The following PYCR1 variants were observed in gnomAD, a reference collection of about 807,000 sequenced individuals.
The protein encoded by PYCR1 is pyrroline-5-carboxylate reductase 1, mitochondrial.
A neutral mutation model predicts 22.9 loss-of-function variants in PYCR1; 19 were observed. The ratio of observed to expected loss-of-function variants is 0.83; its 90% confidence interval spans 0.58 to 1.22. The LOEUF (loss-of-function observed/expected upper bound fraction) is 1.22, where lower values mean the gene tolerates loss of function less well. PYCR1 is among the 50% of genes most tolerant of loss of function. PYCR1 has a pLI of 0.00. For synonymous variants in PYCR1, 175 were observed against 180.5 expected, an observed-to-expected ratio of 0.97 and a Z score of 0.24; for missense variants, 429 against 431.3, an observed-to-expected ratio of 0.99 and a Z score of 0.05.
In PYCR1 at chr17:81,932,930, C is replaced by T; in HGVS notation, c.*284G>A. The stretch of plus-strand genomic sequence containing the variant: ...TACTGGAGTAGGAGTGGGTGAAGAC[C>T]CTCCGGGCTCCCGAGCTCTAGAGGA... On this transcript the variant is annotated 3_prime_UTR_variant, in exon 7 of 7. Transcript: ENST00000329875. 1 of 1,612,054 alleles carries T rather than the reference C, an allele frequency of 6.2e-7. No individual in the cohort carries two copies. The highest frequency in any genetic ancestry group is 8.5e-7 in the Non-Finnish European group (1 of 1,179,556).
intron 6 of PYCR1, 34 bp from the exon 7 acceptor site, chr17:81,933,410 C>T: frequency 3.7e-6 from 6 of 1,611,472 alleles, no homozygotes; most frequent in Non-Finnish European, 4.2e-6. Context: ...CTTTGGAGCA[C>T]AAGCGTGCAC....
Position 81,934,141 on chromosome 17 carries a change from C to T in PYCR1, c.797+185G>A, listed in dbSNP as rs559522143. ...ATGGATGTTCCCTCCTCGCAGGAAA[C>T]GGAAGGTGGGGAGGGGCACTGCCCA... On this transcript the variant is annotated intron_variant, in intron 6 of 6. Transcript: ENST00000329875. The T allele has an allele frequency of 2.0e-3, 1,611 of 810,724 alleles. 5 individuals are homozygous for T. Among genetic ancestry groups the T allele is most frequent in the Non-Finnish European group, 2.8e-3 (1,397 of 492,996 alleles). The allele number at this position is 810,724 out of a possible 1,614,324, so 50.2% of individuals were successfully genotyped here.
Position 81,934,736 on chromosome 17 carries a change from C to A in PYCR1, c.550G>T (p.Ala184Ser). 1 of 1,554,872 alleles carries A rather than the reference C, an allele frequency of 6.4e-7. No individual in the cohort carries two copies. Among genetic ancestry groups the A allele is most frequent in the Non-Finnish European group, 8.7e-7 (1 of 1,149,518 alleles). ...SGSGPAYAFT[A>S]LDALADGGVK... ...CCCCCATCAGCCAGGGCATCCAGGGCTGTGAATGCCTGTGGGGAGAAGGCA... is the reference window on the plus strand; with the variant it reads ...CCCCCATCAGCCAGGGCATCCAGGGATGTGAATGCCTGTGGGGAGAAGGCA... Residue 184 changes from alanine (A) to serine (S), a missense_variant, in exon 5 of 7, where the codon GCC becomes TCC. Ala to Ser is a moderately conservative substitution (Grantham distance 99, BLOSUM62 1). Transcript: ENST00000329875.
chr17:81,936,127 A>C lies in PYCR1; in HGVS notation c.134T>G (p.Leu45Arg). ...PDMDLATVSA[L>R]RKMGVKLTPH... ...CTCCCTTTCATCTGCACCTACCCTG[A>C]GAGCAGAAACTGTGGCCAGGTCCAT... The change falls in exon 2 of 7, where the codon CTC (leucine) becomes CGC (arginine). Residue 45 changes from leucine (L) to arginine (R), a missense_variant. Physicochemically the swap from Leu to Arg is moderately radical, Grantham distance 102. Transcript: ENST00000329875. 6.2e-7 allele frequency: 1 copy of C among 1,613,790 alleles called. No individual in the cohort carries two copies. Among genetic ancestry groups the C allele is most frequent in the South Asian group, 1.1e-5 (1 of 91,076 alleles).
At chr17:81,936,232 T>TA (rs745392984) in intron 1 of PYCR1, 39 bp from the exon 2 acceptor site, 76 of 1,479,728 alleles carry the variant, frequency 5.1e-5, no homozygotes, top group Non-Finnish European at 6.6e-5. Context: ...TCTTTATTAT[T>TA]TTTTTTTTTT....
Position 81,935,076 on chromosome 17 carries a change from C to G in PYCR1, c.390G>C (p.Glu130Asp). 1 of 1,610,710 alleles carries G rather than the reference C, an allele frequency of 6.2e-7. No homozygotes were observed. Among genetic ancestry groups the G allele is most frequent in the Non-Finnish European group, 8.5e-7 (1 of 1,180,000 alleles). Residue 130 changes from glutamate (E) to aspartate (D), a missense_variant, in exon 4 of 7, where the codon GAG becomes GAC. Physicochemically the swap from Glu to Asp is conservative, Grantham distance 45. Coordinates refer to ENST00000329875, the MANE Select transcript of PYCR1 (RefSeq NM_006907.4). ...TGCCTGTGGCATACACGGTGGCCCC[C>G]TCCCGCACCACGACTGGAGTGTTGG... Reference protein sequence around the residue: ...CMTNTPVVVREGATVYATGTH... With the variant: ...CMTNTPVVVRDGATVYATGTH...
rs1214448277 is a variant in PYCR1 at position 81,932,505 on chromosome 17, A to C, written c.*709T>G. 2.9e-6 allele frequency: 1 copy of C among 344,798 alleles called. No individual in the cohort carries two copies. Among genetic ancestry groups the C allele is most frequent in the Non-Finnish European group, 5.6e-6 (1 of 177,804 alleles). 21.4% of individuals were successfully genotyped at this position (344,798 alleles called of 1,614,324 possible). ...CCACCCACAGTAACCACCCTCCCAC[A>C]CAGGCAGGGCCTCCCTCCTCATGTG... On this transcript the variant is annotated 3_prime_UTR_variant, in exon 7 of 7. Transcript: ENST00000329875.
chr17:81,933,179 A>G lies in PYCR1; in HGVS notation c.*35T>C. ...AGTCCCCCTAGTGACAAGAGAAGAG[A>G]AGGTGGTGGCAGGATGGTGGTCAGG... On this transcript the variant is annotated 3_prime_UTR_variant, in exon 7 of 7. Transcript: ENST00000329875. 1 of 1,612,496 alleles carries G rather than the reference A, an allele frequency of 6.2e-7. No individual in the cohort carries two copies. The highest frequency in any genetic ancestry group is 8.5e-7 in the Non-Finnish European group (1 of 1,179,644).
In PYCR1 at chr17:81,932,861, G is replaced by T; in HGVS notation, c.*353C>A. ...CACCTCTGCTGAGCCTTCACAGAGG[G>T]GGTCCTTGACCTTTGCTCTCAGGAA... On this transcript the variant is annotated 3_prime_UTR_variant, in exon 7 of 7. Coordinates refer to ENST00000329875, the MANE Select transcript of PYCR1 (RefSeq NM_006907.4). The T allele has an allele frequency of 6.2e-7, 1 of 1,602,422 alleles. No individual in the cohort carries two copies. The highest frequency in any genetic ancestry group is 2.2e-5 in the East Asian group (1 of 44,524).
At position 81,934,555 on chromosome 17, in the gene PYCR1, C is replaced by A; in HGVS notation, c.634-66G>T. ...TGCCTCTGCGGGGCACTGCCCCAGC[C>A]ACTGTAGCACACACTGACGCCCCAC... On this transcript the variant is annotated intron_variant, in intron 5 of 6. Coordinates refer to ENST00000329875, the MANE Select transcript of PYCR1 (RefSeq NM_006907.4). 3 of 1,557,538 alleles carry A rather than the reference C, an allele frequency of 1.9e-6. No individual in the cohort carries two copies. In the Middle Eastern group the frequency reaches 5.2e-4, roughly 270 times the overall value.
In PYCR1 at chr17:81,934,725, G is replaced by A. The variant is rs1201830964; in HGVS notation, c.561C>T (p.Ala187=). 1 of 1,560,664 alleles carries A rather than the reference G, an allele frequency of 6.4e-7. No individual in the cohort carries two copies. Residue 187 remains alanine, a synonymous_variant, in exon 5 of 7, where the codon GCC becomes GCT. Coordinates refer to ENST00000329875, the MANE Select transcript of PYCR1 (RefSeq NM_006907.4). ...GPAYAFTALD[A]LADGGVKMGL... The stretch of plus-strand genomic sequence containing the variant: ...CCATCTTCACACCCCCATCAGCCAG[G>A]GCATCCAGGGCTGTGAATGCCTGTG...
Position 81,933,110 on chromosome 17 carries a change from C to T in PYCR1, c.*104G>A, listed in dbSNP as rs553890358. 1.8e-5 allele frequency: 29 copies of T among 1,600,744 alleles called. No individual in the cohort carries two copies. The highest frequency in any genetic ancestry group is 5.0e-5 in the Admixed American group (3 of 59,446). ...TGGCTATGTCCCTGGCTGGCCCCTG[C>T]GCTGATCAGAGCCACAGAAAGTGGG... On this transcript the variant is annotated 3_prime_UTR_variant, in exon 7 of 7. Coordinates refer to ENST00000329875, the MANE Select transcript of PYCR1 (RefSeq NM_006907.4).
rs745617447 is a variant in PYCR1, at chr17:81,935,435, T to G, written c.220A>C (p.Ile74Leu). 6.2e-7 allele frequency: 1 copy of G among 1,613,660 alleles called. No individual in the cohort carries two copies. Among genetic ancestry groups the G allele is most frequent in the Non-Finnish European group, 8.5e-7 (1 of 1,179,966 alleles). ...ATTTCATCCAGGATGAAGGGGATGA[T>G]GTGTGGCTTCACAGCCAGGAAGAGC... ...DVLFLAVKPH[I>L]IPFILDEIGA... The change falls in exon 3 of 7, where the codon ATC becomes CTC. Residue 74 changes from isoleucine to leucine, a missense_variant. Transcript: ENST00000329875.
chr17:81,933,560 G>A (rs1347393071), intron 6 of PYCR1, among the ~76,000 whole-genome samples, 184 bp from the exon 7 acceptor site: 2 of 152,142 alleles, frequency 1.3e-5, no homozygotes, highest in African/African-American at 2.4e-5. Context: ...CACCTCATTC[G>A]AATCAGCTCA....
intron 6 of PYCR1, chr17:81,934,092 A>C: frequency 1.6e-6 from 1 of 618,772 alleles, no homozygotes; most frequent in Non-Finnish European, 2.9e-6. Context: ...TGGGGAGCAC[A>C]GGGCACAGCA....
In PYCR1 at chr17:81,935,416, T is replaced by C; in HGVS notation, c.239A>G (p.Asp80Gly). 1 of 1,613,628 alleles carries C rather than the reference T, an allele frequency of 6.2e-7. No homozygotes were observed. Among genetic ancestry groups the C allele is most frequent in the Non-Finnish European group, 8.5e-7 (1 of 1,179,980 alleles). Residue 80 changes from aspartate to glycine, a missense_variant, in exon 3 of 7, where the codon GAT becomes GGT. Transcript: ENST00000329875. ...GTCCTCAATGTCGGCGCCTATTTCA[T>C]CCAGGATGAAGGGGATGATGTGTGG... ...VKPHIIPFILDEIGADIEDRH... is the reference protein window; with the variant it reads ...VKPHIIPFILGEIGADIEDRH...
At position 81,934,648 on chromosome 17, in the gene PYCR1, C is replaced by T. The variant is rs2143870274; in HGVS notation, c.633+5G>A. The T allele has an allele frequency of 6.4e-7, 1 of 1,562,298 alleles. No homozygotes were observed. Among genetic ancestry groups the T allele is most frequent in the Middle Eastern group, 1.7e-4 (1 of 6,002 alleles). ...CCCCACCAGAGGGTCAGGAAACACA[C>T]TGACCAGGAGGGCCTGGGCCCCGAG... On this transcript the variant is annotated splice_donor_5th_base_variant and intron_variant, in intron 5 of 6. Coordinates refer to ENST00000329875, the MANE Select transcript of PYCR1 (RefSeq NM_006907.4).
Position 81,937,287 on chromosome 17 carries a change from G to C in PYCR1, c.-473C>G, listed in dbSNP as rs977889951. 5 of 1,132,010 alleles carry C rather than the reference G, an allele frequency of 4.4e-6. No homozygotes were observed. The South Asian group carries it at 1.6e-4, about 35-fold the overall frequency. The allele number at this position is 1,132,010 out of a possible 1,614,324, so 70.1% of individuals were successfully genotyped here. ...CCCTCAGCGCTGCGGCCGCCACGCG[G>C]CACCCGCACCCAGGCCCCGCCCCCG... On this transcript the variant is annotated 5_prime_UTR_variant, in exon 1 of 7. Transcript: ENST00000329875.
chr17:81,937,272 T>TGCGGCCGCCACGCG lies in PYCR1; in HGVS notation c.-472_-459dup, dbSNP rs2041228004. 8.3e-7 allele frequency: 1 copy of TGCGGCCGCCACGCG among 1,208,442 alleles called. No individual in the cohort carries two copies. Among genetic ancestry groups the TGCGGCCGCCACGCG allele is most frequent in the South Asian group, 3.2e-5 (1 of 30,910 alleles). The allele number at this position is 1,208,442 out of a possible 1,614,324, so 74.9% of individuals were successfully genotyped here. ...GCGGGTCGTACCCACCCCTCAGCGC[T>TGCGGCCGCCACGCG]GCGGCCGCCACGCGGCACCCGCACC... On this transcript the variant is annotated 5_prime_UTR_variant, in exon 1 of 7. Coordinates refer to ENST00000329875, the MANE Select transcript of PYCR1 (RefSeq NM_006907.4).
Sources: allele counts gnomAD v4.1 joint callset (sites outside exome capture counted in the v4.1 genomes callset), GRCh38; gene constraint gnomAD v4.1.1; transcripts MANE v1.5; gene names NCBI Gene and HGNC (gene_info 2026-07-23, HGNC 2026-07-21).